The following TFDP2 variants were observed in gnomAD, a reference collection of about 807,000 sequenced individuals.
The protein encoded by TFDP2 is transcription factor Dp-2 (E2F dimerization partner 2).
Under a neutral mutation model 59.3 loss-of-function variants are expected in TFDP2, and 17 were observed. That is an observed-to-expected ratio of 0.29 (90% CI 0.20 to 0.43). TFDP2 has a LOEUF of 0.43. TFDP2 is among the 20% of genes least tolerant of loss of function. The probability of loss-of-function intolerance (pLI) is 1.00; values close to 1 mark genes in which losing one functional copy is unlikely to be tolerated. For synonymous variants in TFDP2, 180 were observed against 194.7 expected (o/e 0.92, Z 0.63); for missense variants, 391 against 528.8 (o/e 0.74, Z 2.56).
At chr3:142,030,681 T>TA (rs1946377352) in intron 3 of TFDP2, among the ~76,000 whole-genome samples, 1 of 151,852 alleles carries the variant, frequency 6.6e-6, no homozygotes, top group Non-Finnish European at 1.5e-5. Context: ...CCTACTCTGT[T>TA]ATAGTCTTAA....
At chr3:142,058,928 C>T (rs2059828741) in intron 3 of TFDP2, among the ~76,000 whole-genome samples, 1 of 152,146 alleles carries the variant, frequency 6.6e-6, no homozygotes, top group Non-Finnish European at 1.5e-5. Flanking sequence ...AGTTTCAATC[C>T]TTGGTCTTTC....
At chr3:142,028,682 G>A (rs1038764610) in intron 3 of TFDP2, 2 of 985,162 alleles carry the variant, frequency 2.0e-6, no homozygotes, top group African/African-American at 3.5e-5. Context: ...AAGCAATCGA[G>A]CTCAGAAAAG....
At chr3:142,113,362 G>A (rs573932744) in intron 1 of TFDP2, among the ~76,000 whole-genome samples, 2 of 151,844 alleles carry the variant, frequency 1.3e-5, no homozygotes, top group South Asian at 2.1e-4. Context: ...GGGTTCAAGC[G>A]ATTCTCCTGC....
intron 1 of TFDP2, chr3:142,145,379 T>G: frequency 6.6e-6 from 1 of 152,256 alleles, no homozygotes; most frequent in Admixed American, 6.5e-5. Flanking sequence ...TCACTGAAGT[T>G]AGATGTAATT....
chr3:142,136,174 T>C (rs1284270752), intron 1 of TFDP2, among the ~76,000 whole-genome samples: 2 of 152,144 alleles, frequency 1.3e-5, no homozygotes, highest in Non-Finnish European at 2.9e-5. Flanking sequence ...CATTTTTTCA[T>C]GTGTCTGCTG....
intron 1 of TFDP2, among the ~76,000 whole-genome samples, chr3:142,130,128 C>A (rs897906151): frequency 6.6e-6 from 1 of 152,030 alleles, no homozygotes. Flanking sequence ...AGCAAGGTCT[C>A]AAAGAGCTTT....
intron 4 of TFDP2, among the ~76,000 whole-genome samples, chr3:142,004,883 G>A (rs757965491): frequency 1.3e-5 from 2 of 152,092 alleles, no homozygotes; most frequent in Admixed American, 6.6e-5. Context: ...CACATAAAGA[G>A]GAAAAGACTT....
intron 9 of TFDP2, among the ~76,000 whole-genome samples, chr3:141,967,356 G>A (rs1223184941): frequency 2.7e-5 from 4 of 148,304 alleles, no homozygotes; most frequent in African/African-American, 1.0e-4. Context: ...GCAGTGGGGC[G>A]ATCTCAGCTC....
intron 3 of TFDP2, among the ~76,000 whole-genome samples, chr3:142,031,605 G>A (rs960712245): frequency 6.6e-6 from 1 of 152,186 alleles, no homozygotes; most frequent in Non-Finnish European, 1.5e-5. Context: ...TATAGGTTGT[G>A]TCAAACAATT....
At chr3:142,027,909 C>T (rs1946211532) in intron 3 of TFDP2, among the ~76,000 whole-genome samples, 1 of 152,156 alleles carries the variant, frequency 6.6e-6, no homozygotes, top group South Asian at 2.1e-4. Flanking sequence ...GCCACCCACA[C>T]TCTCACACTG....
chr3:142,047,464 C>T (rs1947397139), intron 3 of TFDP2, among the ~76,000 whole-genome samples: 1 of 152,048 alleles, frequency 6.6e-6, no homozygotes, highest in Admixed American at 6.6e-5. Context: ...GTGAGAATTC[C>T]TAGCAAACAA....
chr3:141,978,847 C>T (rs1215739332), intron 6 of TFDP2, among the ~76,000 whole-genome samples, 165 bp from the exon 7 acceptor site: 1 of 151,984 alleles, frequency 6.6e-6, no homozygotes, highest in African/African-American at 2.4e-5. Flanking sequence ...TTACTTTTTG[C>T]CTTAAAGGTC....
chr3:142,117,503 G>A lies in TFDP2; in HGVS notation c.-92-15662C>T, dbSNP rs79955384. ...CTGTGGATGTATAGGGAGAGTGAAG[G>A]GAGGTGAAAAAGACTCTGTGAGAAA... On this transcript the variant is annotated intron_variant, in intron 1 of 12. Transcript: ENST00000489671. 3.5e-3 allele frequency among the ~76,000 whole-genome samples: 533 copies of A among 152,112 alleles called. 12 individuals are homozygous for A. The East Asian group carries it at 0.053, about 15-fold the overall frequency.
At chr3:142,102,655 T>C (rs2061349353) in intron 1 of TFDP2, among the ~76,000 whole-genome samples, 2 of 152,174 alleles carry the variant, frequency 1.3e-5, no homozygotes, top group South Asian at 4.1e-4. Flanking sequence ...ATTCAAATTT[T>C]CTAGTGAAAG....
chr3:141,959,110 G>A (rs1231338023), intron 11 of TFDP2, among the ~76,000 whole-genome samples: 2 of 151,708 alleles, frequency 1.3e-5, no homozygotes, highest in Non-Finnish European at 2.9e-5. Context: ...GTGCCATCAC[G>A]CCCGGCTAAT....
chr3:142,100,122 T>C (rs1201963292), intron 2 of TFDP2, among the ~76,000 whole-genome samples: 1 of 152,218 alleles, frequency 6.6e-6, no homozygotes, highest in Non-Finnish European at 1.5e-5. Context: ...TAAGGATTTG[T>C]TTGTTAACGC....
Position 142,058,004 on chromosome 3 carries a change from C to T in TFDP2, c.82+35057G>A, listed in dbSNP as rs533862690. ...CCAGATGTCACTTTTCTCCTTATGG[C>T]CTATAAAATAGTCACAATTATCTTA... On this transcript the variant is annotated intron_variant, in intron 3 of 12. Coordinates refer to ENST00000489671, the MANE Select transcript of TFDP2 (RefSeq NM_001178139.2). Among the ~76,000 whole-genome samples the T allele has an allele frequency of 3.9e-5, 6 of 152,264 alleles. No homozygotes were observed. In the South Asian group the frequency reaches 1.0e-3, roughly 26 times the overall value.
intron 9 of TFDP2, among the ~76,000 whole-genome samples, chr3:141,966,682 T>C (rs1022550256): frequency 6.6e-6 from 1 of 151,588 alleles, no homozygotes; most frequent in Non-Finnish European, 1.5e-5. Flanking sequence ...TTCCTATGCG[T>C]TTATTATGGA....
intron 3 of TFDP2, among the ~76,000 whole-genome samples, chr3:142,067,469 AAAG>A (rs2060109985): frequency 6.6e-6 from 1 of 152,068 alleles, no homozygotes; most frequent in Non-Finnish European, 1.5e-5. Context: ...AAAAGAAATC[AAAG>A]AAGACCTAAT....
Sources: gnomAD v4.1 joint callset for allele counts (sites outside exome capture counted in the v4.1 genomes callset) on GRCh38, gnomAD v4.1.1 for gene constraint, MANE v1.5 for transcripts, NCBI Gene and HGNC (gene_info 2026-07-23, HGNC 2026-07-21) for gene names.